SV2B: variants seen among roughly 807,000 people sequenced by gnomAD.
The protein encoded by SV2B is solute carrier family 22 member B2.
A neutral mutation model predicts 73.9 loss-of-function variants in SV2B; 41 were observed. The observed-to-expected ratio is 0.56, with a 90% confidence interval of 0.43 to 0.72. SV2B has a LOEUF of 0.72. SV2B is among the 30% of genes least tolerant of loss of function. The pLI, the probability that SV2B is intolerant of heterozygous loss-of-function variation, is 0.00. For missense variants in SV2B, 764 were observed against 857.8 expected (o/e 0.89, Z 1.37); for synonymous variants, 314 against 314.2 (o/e 1.00, Z 0.01).
rs566031091 is a variant in SV2B at position 91,283,436 on chromosome 15, A to G, written c.1508-585A>G. Reference sequence around the variant, plus strand: ...ACAGGACTGTTATCCAGCTGGAGAGATGATTTTTTTTTTTTTAAAGGCAAG... The same window carrying G: ...ACAGGACTGTTATCCAGCTGGAGAGGTGATTTTTTTTTTTTTAAAGGCAAG... On this transcript the variant is annotated intron_variant, in intron 10 of 12. Transcript: ENST00000394232. This position sits in a 1 kb window ranked among gnomAD's most constrained non-coding sequence, Gnocchi z 4.3. 1.3e-5 allele frequency among the ~76,000 whole-genome samples: 2 copies of G among 148,292 alleles called. No individual in the cohort carries two copies. The highest frequency in any genetic ancestry group is 3.9e-4 in the East Asian group (2 of 5,078).
chr15:91,273,466 C>G (rs2048382513), intron 9 of SV2B, among the ~76,000 whole-genome samples: 1 of 152,190 alleles, frequency 6.6e-6, no homozygotes, highest in Non-Finnish European at 1.5e-5. Context: ...ATAGTTTGTA[C>G]TTTGGCTGCT....
In SV2B at chr15:91,292,631, G is replaced by T; in HGVS notation, c.*79G>T. ...GCATCCACACTTCCTGCCTATCACG[G>T]TCCGGAGGACACCTTGGATAGCACG... On this transcript the variant is annotated 3_prime_UTR_variant, in exon 13 of 13. Coordinates refer to ENST00000394232, the MANE Select transcript of SV2B (RefSeq NM_001323032.3). 2.6e-6 allele frequency: 4 copies of T among 1,509,806 alleles called. No individual in the cohort carries two copies. Among genetic ancestry groups the T allele is most frequent in the Non-Finnish European group, 3.5e-6 (4 of 1,126,874 alleles). The allele number at this position is 1,509,806 out of a possible 1,614,324, so 93.5% of individuals were successfully genotyped here. A position where few individuals can be genotyped will look rare whatever the true frequency, so the allele number is the denominator to read the frequency against.
In SV2B at chr15:91,148,986, C is replaced by A. The variant is rs143575953; in HGVS notation, c.-392+48623C>A. On this transcript the variant is annotated intron_variant, in intron 1 of 12. Transcript: ENST00000394232. ...AGACACATCCAGAATAATATTTAAC[C>A]AAATATCTGGGCACCCCATGGACTA... 3.4e-3 allele frequency among the ~76,000 whole-genome samples: 515 copies of A among 152,314 alleles called. 3 individuals carry two copies. Among genetic ancestry groups the A allele is most frequent in the Middle Eastern group, 0.014 (4 of 294 alleles).
rs1051607222 is a variant in SV2B, at chr15:91,294,233, A to C, written c.*1681A>C. The C allele has an allele frequency of 1.3e-5, 2 of 152,234 alleles. No individual in the cohort carries two copies. Among genetic ancestry groups the C allele is most frequent in the African/African-American group, 2.4e-5 (1 of 41,472 alleles). The allele number at this position is 152,234 out of a possible 1,614,324, so 9.4% of individuals were successfully genotyped here. On this transcript the variant is annotated 3_prime_UTR_variant, in exon 13 of 13. Coordinates refer to ENST00000394232, the MANE Select transcript of SV2B (RefSeq NM_001323032.3). The surrounding 1 kb of genome is among the most constrained non-coding windows in gnomAD (Gnocchi z 4.1). ...AGTATTGGAGAAATGCTTAGGTCCT[A>C]TGATAGCTTCGGGACATCTTTCTGT...
chr15:91,175,077 A>G (rs2044254255), intron 1 of SV2B, among the ~76,000 whole-genome samples: 1 of 152,208 alleles, frequency 6.6e-6, no homozygotes, highest in African/African-American at 2.4e-5. Context: ...CTGTTCTGGT[A>G]TAAATGAAGT....
chr15:91,215,750 T>A (rs1052065120), intron 1 of SV2B, among the ~76,000 whole-genome samples: 26 of 152,290 alleles, frequency 1.7e-4, no homozygotes, highest in African/African-American at 5.5e-4. Flanking sequence ...ATAAATATCT[T>A]AATATTTATT....
At chr15:91,189,520 G>A (rs1405594906) in intron 1 of SV2B, among the ~76,000 whole-genome samples, 2 of 152,124 alleles carry the variant, frequency 1.3e-5, no homozygotes, top group Non-Finnish European at 2.9e-5. Context: ...TTATAAAAAT[G>A]TCAGTTTTCT....
chr15:91,102,652 A>G (rs993573453), intron 1 of SV2B, among the ~76,000 whole-genome samples: 1 of 152,190 alleles, frequency 6.6e-6, no homozygotes, highest in Non-Finnish European at 1.5e-5. Context: ...GGACAAATAA[A>G]TAAGTATAGA....
At position 91,298,404 on chromosome 15, in the gene SV2B, G is replaced by A. The variant is rs1294413401; in HGVS notation, c.*5852G>A. On this transcript the variant is annotated 3_prime_UTR_variant, in exon 13 of 13. Transcript: ENST00000394232. The surrounding 1 kb of genome is among the most constrained non-coding windows in gnomAD (Gnocchi z 5.4). ...GTGAGGCAGGCTTAAAGTACATTTT[G>A]TTTGATTTGCAGAGGCATGGTGAGG... 6.6e-6 allele frequency: 1 copy of A among 152,204 alleles called. No homozygotes were observed. The highest frequency in any genetic ancestry group is 1.5e-5 in the Non-Finnish European group (1 of 68,042). 9.4% of individuals were successfully genotyped at this position (152,204 alleles called of 1,614,324 possible).
At chr15:91,215,368 G>A (rs1193809127) in intron 1 of SV2B, among the ~76,000 whole-genome samples, 1 of 152,124 alleles carries the variant, frequency 6.6e-6, no homozygotes, top group Non-Finnish European at 1.5e-5. Flanking sequence ...TTCTGTTTTA[G>A]CAGTTTTGGA....
At chr15:91,133,926 G>A (rs143137010) in intron 1 of SV2B, among the ~76,000 whole-genome samples, 12 of 151,622 alleles carry the variant, frequency 7.9e-5, no homozygotes, top group African/African-American at 2.9e-4. Context: ...GCTTTTTGCA[G>A]GATGCTTAAA....
At chr15:91,278,444 G>A (rs915132508) in intron 9 of SV2B, among the ~76,000 whole-genome samples, 2 of 151,870 alleles carry the variant, frequency 1.3e-5, no homozygotes, top group African/African-American at 2.4e-5. Context: ...TTGGGAGGCC[G>A]AGGCGGGTGG....
At chr15:91,172,264 T>G (rs2044148184) in intron 1 of SV2B, among the ~76,000 whole-genome samples, 1 of 152,208 alleles carries the variant, frequency 6.6e-6, no homozygotes, top group African/African-American at 2.4e-5. Context: ...TATCTCTGCT[T>G]ATAAGCTGAA....
intron 1 of SV2B, among the ~76,000 whole-genome samples, chr15:91,210,112 G>A (rs900482953): frequency 2.0e-5 from 3 of 149,652 alleles, no homozygotes; most frequent in African/African-American, 7.7e-5. Flanking sequence ...GTCTATGGCA[G>A]GATAATTAGG....
intron 9 of SV2B, among the ~76,000 whole-genome samples, chr15:91,278,940 C>G (rs530091840): frequency 1.3e-5 from 2 of 152,070 alleles, no homozygotes; most frequent in East Asian, 1.9e-4. Context: ...GAGCCGTAGC[C>G]TTTATTTATT....
intron 1 of SV2B, among the ~76,000 whole-genome samples, chr15:91,204,772 G>T (rs898819187): frequency 6.6e-6 from 1 of 151,936 alleles, no homozygotes; most frequent in African/African-American, 2.4e-5. Flanking sequence ...TGTCCAGACT[G>T]GTCTCAACCT....
intron 10 of SV2B, among the ~76,000 whole-genome samples, chr15:91,282,781 A>T (rs2048724604): frequency 6.6e-6 from 1 of 152,224 alleles, no homozygotes; most frequent in African/African-American, 2.4e-5. Flanking sequence ...CCTCTATGAT[A>T]TCAGCCTCAA....
At chr15:91,208,395 A>G (rs1206648514) in intron 1 of SV2B, among the ~76,000 whole-genome samples, 1 of 152,246 alleles carries the variant, frequency 6.6e-6, no homozygotes, top group Non-Finnish European at 1.5e-5. Context: ...TTGAAAATAA[A>G]ACAACATGAT....
intron 1 of SV2B, among the ~76,000 whole-genome samples, chr15:91,222,135 G>A (rs754921837): frequency 3.2e-4 from 49 of 152,128 alleles, no homozygotes; most frequent in Middle Eastern, 3.4e-3. Flanking sequence ...CTACCTCTAG[G>A]ATACTATTTC....
Sources: gnomAD v4.1 joint callset for allele counts (sites outside exome capture counted in the v4.1 genomes callset) on GRCh38, gnomAD v4.1.1 for gene constraint, Gnocchi (gnomAD v3.1) non-coding constraint, MANE v1.5 for transcripts, NCBI Gene and HGNC (gene_info 2026-07-23, HGNC 2026-07-21) for gene names.